Variants in NEGR1 observed in about 807,000 individuals in gnomAD.
NEGR1 encodes neuronal growth regulator 1.
Under a neutral mutation model 40.9 loss-of-function variants are expected in NEGR1, and 10 were observed. The ratio of observed to expected loss-of-function variants is 0.24; its 90% CI spans 0.15 to 0.42. The LOEUF is 0.42. NEGR1 is among the 10% of genes least tolerant of loss of function. NEGR1 has a pLI of 1.00. For synonymous variants in NEGR1, 185 were observed against 166.8 expected, an observed-to-expected ratio of 1.11 and a Z score of -0.84; for missense variants, 352 against 438.9, an observed-to-expected ratio of 0.80 and a Z score of 1.77.
At chr1:71,811,811 C>A (rs957976640) in intron 2 of NEGR1, among the ~76,000 whole-genome samples, 1 of 150,550 alleles carries the variant, frequency 6.6e-6, no homozygotes, top group Non-Finnish European at 1.5e-5. Flanking sequence ...ATAATAGAGC[C>A]AGGATTCAAA....
intron 4 of NEGR1, among the ~76,000 whole-genome samples, chr1:71,668,874 G>A (rs968206277): frequency 1.3e-5 from 2 of 152,106 alleles, no homozygotes; most frequent in African/African-American, 4.8e-5. Flanking sequence ...TCTGCTTGGC[G>A]TGAGCTAACA....
At chr1:72,113,422 G>C (rs1380687627) in intron 1 of NEGR1, among the ~76,000 whole-genome samples, 1 of 146,258 alleles carries the variant, frequency 6.8e-6, no homozygotes, top group Non-Finnish European at 1.5e-5. Flanking sequence ...TTAGAAGTGA[G>C]TAAGCTTTTA....
At chr1:72,168,267 GTGCTGGGAT>G (rs1409548243) in intron 1 of NEGR1, among the ~76,000 whole-genome samples, 15 of 152,020 alleles carry the variant, frequency 9.9e-5, no homozygotes, top group Non-Finnish European at 1.6e-4. Flanking sequence ...GCCTCCCAAA[GTGCTGGGAT>G]TATAGGCATG....
chr1:71,682,023 TG>T (rs1259446015), intron 4 of NEGR1, among the ~76,000 whole-genome samples: 1 of 151,666 alleles, frequency 6.6e-6, no homozygotes, highest in Non-Finnish European at 1.5e-5. Flanking sequence ...GATGGGGTTT[TG>T]CCATGTTGGC....
intron 6 of NEGR1, among the ~76,000 whole-genome samples, chr1:71,524,315 A>AGTGTGTGTGT (rs60790381): frequency 3.8e-3 from 538 of 140,664 alleles, no homozygotes; most frequent in East Asian, 0.015. Flanking sequence ...TTTAAATAGG[A>AGTGTGTGTGT]GTGTGTGTGT....
intron 3 of NEGR1, among the ~76,000 whole-genome samples, chr1:71,739,426 TACATATACA>T (rs1253639141): frequency 6.6e-6 from 1 of 151,740 alleles, no homozygotes; most frequent in Admixed American, 6.6e-5. Flanking sequence ...AACTCCCCTT[TACATATACA>T]ACAGTCTTAC....
chr1:72,119,469 A>T (rs921174076), intron 1 of NEGR1, among the ~76,000 whole-genome samples: 3 of 152,012 alleles, frequency 2.0e-5, no homozygotes, highest in African/African-American at 4.8e-5. Flanking sequence ...TATTAAAAAA[A>T]TGAGGGGGGC....
At chr1:71,688,045 A>G (rs1653095585) in intron 4 of NEGR1, among the ~76,000 whole-genome samples, 1 of 151,890 alleles carries the variant, frequency 6.6e-6, no homozygotes, top group South Asian at 2.1e-4. Context: ...ATCAACATAC[A>G]TTGATTATCA....
chr1:71,616,296 C>T (rs2101548154), intron 4 of NEGR1, among the ~76,000 whole-genome samples: 1 of 152,260 alleles, frequency 6.6e-6, no homozygotes, highest in Non-Finnish European at 1.5e-5. Context: ...TGAGCTCCAC[C>T]TCCCATCAGA....
At chr1:71,573,351 T>C (rs1648865255) in intron 6 of NEGR1, 1 of 152,252 alleles carries the variant, frequency 6.6e-6, no homozygotes, top group African/African-American at 2.4e-5. Flanking sequence ...TTTTTTTAGA[T>C]GAATTAATCA....
At chr1:71,477,438 T>C (rs989906425) in intron 6 of NEGR1, 2 of 152,274 alleles carry the variant, frequency 1.3e-5, no homozygotes, top group South Asian at 4.1e-4. Flanking sequence ...CCCATGAGAC[T>C]GCTAGGGTGC....
intron 1 of NEGR1, among the ~76,000 whole-genome samples, chr1:72,016,830 G>A (rs1034578340): frequency 1.3e-5 from 2 of 152,090 alleles, no homozygotes; most frequent in African/African-American, 2.4e-5. Context: ...TTTCAGTGTC[G>A]AATCCAGTTA....
intron 1 of NEGR1, among the ~76,000 whole-genome samples, chr1:72,227,160 G>C (rs1557587838): frequency 1.3e-5 from 2 of 151,976 alleles, no homozygotes; most frequent in Non-Finnish European, 2.9e-5. Flanking sequence ...AATTTTCTTG[G>C]AACTCAGTTT....
At chr1:71,875,245 T>A (rs908856310) in intron 2 of NEGR1, among the ~76,000 whole-genome samples, 14 of 152,292 alleles carry the variant, frequency 9.2e-5, no homozygotes, top group Middle Eastern at 3.4e-3. Context: ...GTACATACAA[T>A]TTTATGAGTT....
intron 3 of NEGR1, among the ~76,000 whole-genome samples, chr1:71,718,054 T>C (rs943007596): frequency 2.6e-5 from 4 of 152,204 alleles, no homozygotes; most frequent in African/African-American, 7.2e-5. Flanking sequence ...TACTCTGTTT[T>C]GGTAGGCCTA....
At chr1:72,053,891 AC>A (rs528625581) in intron 1 of NEGR1, among the ~76,000 whole-genome samples, 19 of 150,172 alleles carry the variant, frequency 1.3e-4, no homozygotes, top group Non-Finnish European at 1.2e-4. Context: ...AAAAAAAAAA[AC>A]TCACACATAT....
chr1:72,133,117 C>T (rs992344750), intron 1 of NEGR1, among the ~76,000 whole-genome samples: 34 of 152,062 alleles, frequency 2.2e-4, no homozygotes, highest in African/African-American at 8.0e-4. Context: ...CTTATAACCA[C>T]TGTTACTAAT....
At chr1:71,505,040 C>G (rs1301903042) in intron 6 of NEGR1, among the ~76,000 whole-genome samples, 1 of 151,970 alleles carries the variant, frequency 6.6e-6, no homozygotes, top group Non-Finnish European at 1.5e-5. Context: ...ACAACCAGGA[C>G]AAGTAGTTTG....
At chr1:71,864,925 T>A (rs1167937555) in intron 2 of NEGR1, among the ~76,000 whole-genome samples, 1 of 152,162 alleles carries the variant, frequency 6.6e-6, no homozygotes, top group African/African-American at 2.4e-5. Context: ...AGGTTTCTGA[T>A]TTAGGCACAC....
Sources: gnomAD v4.1 joint callset for allele counts (sites outside exome capture counted in the v4.1 genomes callset) on GRCh38, gnomAD v4.1.1 for gene constraint, MANE v1.5 for transcripts, NCBI Gene and HGNC (gene_info 2026-07-23, HGNC 2026-07-21) for gene names.